Variants in RIC3 observed in about 807,000 individuals in gnomAD.
RIC3 encodes protein RIC-3.
Under a neutral mutation model 27.3 loss-of-function variants are expected in RIC3, and 28 were observed. The observed-to-expected ratio is 1.02, with a 90% CI of 0.76 to 1.41. The LOEUF is 1.41. RIC3 is among the 40% of genes most tolerant of loss of function. The pLI, the probability that RIC3 is intolerant of heterozygous loss-of-function variation, is 0.00. For synonymous variants in RIC3, 184 were observed against 160.4 expected, an observed-to-expected ratio of 1.15 and a Z score of -1.11; for missense variants, 501 against 444.7, an observed-to-expected ratio of 1.13 and a Z score of -1.14.
chr11:8,147,418 T>C (rs1418492089), intron 1 of RIC3, among the ~76,000 whole-genome samples: 1 of 151,982 alleles, frequency 6.6e-6, no homozygotes, highest in East Asian at 1.9e-4. Flanking sequence ...AAGGGTACCT[T>C]AGTTGATTGT....
chr11:8,152,553 G>C (rs1021437758), intron 1 of RIC3, among the ~76,000 whole-genome samples: 14 of 152,160 alleles, frequency 9.2e-5, no homozygotes, highest in African/African-American at 2.9e-4. Flanking sequence ...TGATTACCTA[G>C]AGCTGGGGTT....
At chr11:8,159,611 A>G (rs1052382838) in intron 1 of RIC3, among the ~76,000 whole-genome samples, 1 of 152,234 alleles carries the variant, frequency 6.6e-6, no homozygotes, top group African/African-American at 2.4e-5. Context: ...GACCCTAAAC[A>G]AAACGTTTCC....
chr11:8,099,176 G>T, the RIC3 span, among the ~76,000 whole-genome samples: 1 of 152,116 alleles, frequency 6.6e-6, no homozygotes, highest in African/African-American at 2.4e-5. Flanking sequence ...GTTCTTGTCT[G>T]TGCATTTCCC....
At position 8,106,561 on chromosome 11, in the gene RIC3, G is replaced by GGGCCT. The variant is rs1944685319; in HGVS notation, c.*4132_*4136dup. On this transcript the variant is annotated 3_prime_UTR_variant, in exon 6 of 6. Coordinates refer to ENST00000309737, the MANE Select transcript of RIC3 (RefSeq NM_001206671.4). ...CTGGTGGTTCCTCAGTATCCCCTGTGGGCCTGGCCTTAGGAAGAGAACAGG... is the reference window on the plus strand; with the variant it reads ...CTGGTGGTTCCTCAGTATCCCCTGTGGGCCTGGCCTGGCCTTAGGAAGAGAACAGG... 6.6e-6 allele frequency: 1 copy of GGGCCT among 152,294 alleles called. No individual in the cohort carries two copies. The highest frequency in any genetic ancestry group is 2.4e-5 in the African/African-American group (1 of 41,460). 9.4% of individuals were successfully genotyped at this position (152,294 alleles called of 1,614,324 possible).
At chr11:8,147,583 T>C (rs1490005693) in intron 1 of RIC3, among the ~76,000 whole-genome samples, 1 of 152,172 alleles carries the variant, frequency 6.6e-6, no homozygotes, top group African/African-American at 2.4e-5. Flanking sequence ...TTATTTCTTT[T>C]CTTATTTGTT....
In RIC3 at chr11:8,109,923, C is replaced by A. The variant is rs982080032; in HGVS notation, c.*775G>T. 6.6e-6 allele frequency: 1 copy of A among 152,582 alleles called. No homozygotes were observed. The highest frequency in any genetic ancestry group is 2.4e-5 in the African/African-American group (1 of 41,444). The allele number at this position is 152,582 out of a possible 1,614,324, so 9.5% of individuals were successfully genotyped here. On this transcript the variant is annotated 3_prime_UTR_variant, in exon 6 of 6. Coordinates refer to ENST00000309737, the MANE Select transcript of RIC3 (RefSeq NM_001206671.4). ...GCAGGGCAGGGTCTAAAGTCTCTAT[C>A]TAAAGCTTCCTCTGTCCACTGAAAA...
At chr11:8,097,520 A>C in the RIC3 span, 2 of 1,521,036 alleles carry the variant, frequency 1.3e-6, no homozygotes, top group Non-Finnish European at 1.8e-6. Flanking sequence ...TCTACCACTG[A>C]CCTCTCAGTT....
intron 1 of RIC3, among the ~76,000 whole-genome samples, chr11:8,140,910 A>T (rs904828039): frequency 6.6e-6 from 1 of 151,220 alleles, no homozygotes; most frequent in Non-Finnish European, 1.5e-5. Flanking sequence ...TTCAACCCAG[A>T]ATTTCATATC....
At chr11:8,139,767 C>A in intron 2 of RIC3, 200 bp downstream of exon 2, 1 of 509,570 alleles carries the variant, frequency 2.0e-6, no homozygotes, top group Non-Finnish European at 3.4e-6. Flanking sequence ...GGGCAAAACA[C>A]TTAAACATTG....
intron 1 of RIC3, among the ~76,000 whole-genome samples, chr11:8,153,204 C>G (rs895669486): frequency 1.3e-4 from 20 of 152,140 alleles, no homozygotes; most frequent in Non-Finnish European, 2.6e-4. Flanking sequence ...TAGAAGAAAT[C>G]TGAGTACTTT....
intron 5 of RIC3, 85 bp from the exon 6 acceptor site, chr11:8,111,222 A>C: frequency 1.8e-5 from 17 of 967,204 alleles, no homozygotes; most frequent in Non-Finnish European, 2.5e-5. Flanking sequence ...GAGGATTCTC[A>C]GGCAGCAGCC....
At chr11:8,121,965 G>T (rs67646462) in intron 5 of RIC3, among the ~76,000 whole-genome samples, 9,483 of 152,094 alleles carry the variant, frequency 0.062, 340 homozygotes, top group South Asian at 0.1. Flanking sequence ...ACAGTGGCAT[G>T]CACCTGGAGT....
chr11:8,151,585 C>CAAAAAAAAAAA (rs60087055), intron 1 of RIC3, among the ~76,000 whole-genome samples: 32 of 61,662 alleles, frequency 5.2e-4, no homozygotes, highest in Middle Eastern at 8.2e-3. Context: ...AACTCCGTCT[C>CAAAAAAAAAAA]AAAAAAAAAA....
chr11:8,130,158 G>T (rs376403430), intron 4 of RIC3, among the ~76,000 whole-genome samples: 2 of 152,032 alleles, frequency 1.3e-5, no homozygotes, highest in Non-Finnish European at 1.5e-5. Context: ...AAAGATTAAC[G>T]TGAGCCATCC....
At chr11:8,101,422 C>T (rs1944297928), downstream of RIC3, 1 of 1,599,938 alleles carries the variant, frequency 6.3e-7, no homozygotes, top group Admixed American at 1.7e-5. Flanking sequence ...GTCTGTCTAT[C>T]CTTCCCTGGC....
In RIC3 at chr11:8,108,045, T is replaced by C. The variant is rs867441825; in HGVS notation, c.*2653A>G. The C allele has an allele frequency of 6.6e-6, 1 of 152,142 alleles. No homozygotes were observed. The highest frequency in any genetic ancestry group is 1.9e-4 in the East Asian group (1 of 5,202). 9.4% of individuals were successfully genotyped at this position (152,142 alleles called of 1,614,324 possible). On this transcript the variant is annotated 3_prime_UTR_variant, in exon 6 of 6. Coordinates refer to ENST00000309737, the MANE Select transcript of RIC3 (RefSeq NM_001206671.4). ...AAGAATTTTCTAAATCCTAAATAACTGAAAGGTACATCCAAATGTCTGATA... is the reference window on the plus strand; with the variant it reads ...AAGAATTTTCTAAATCCTAAATAACCGAAAGGTACATCCAAATGTCTGATA...
At chr11:8,130,654 C>A (rs748529150) in intron 4 of RIC3, among the ~76,000 whole-genome samples, 6 of 152,026 alleles carry the variant, frequency 3.9e-5, no homozygotes, top group Non-Finnish European at 8.8e-5. Context: ...TTTTCAATAG[C>A]CTTCTAGTAT....
chr11:8,140,089 C>T lies in RIC3; in HGVS notation c.229G>A (p.Ala77Thr). ...CCTCCACCTGATCCTTTGGCCTTTG[C>T]AAATGCCTCGGCAAGGTGAGACCTC... The part of the protein sequence containing the change: ...FQRSHLAEAF[A>T]KAKGSGGGAG... The change falls in exon 2 of 6, where the codon GCA becomes ACA. Residue 77 changes from alanine to threonine, a missense_variant. Coordinates refer to ENST00000309737, the MANE Select transcript of RIC3 (RefSeq NM_001206671.4). The T allele has an allele frequency of 1.9e-6, 3 of 1,614,090 alleles. No homozygotes were observed. The highest frequency in any genetic ancestry group is 1.7e-4 in the Middle Eastern group (1 of 6,060).
At chr11:8,135,891 T>G (rs766237584) in intron 4 of RIC3, 4 of 152,148 alleles carry the variant, frequency 2.6e-5, no homozygotes, top group African/African-American at 9.7e-5. Flanking sequence ...ATTGCACAAA[T>G]TGGTTTAGTC....
Sources: allele counts gnomAD v4.1 joint callset (sites outside exome capture counted in the v4.1 genomes callset), GRCh38; gene constraint gnomAD v4.1.1; transcripts MANE v1.5; gene names NCBI Gene and HGNC (gene_info 2026-07-23, HGNC 2026-07-21).